The following GEMIN8 variants were observed in gnomAD, a reference collection of about 807,000 sequenced individuals.
GEMIN8 encodes gem nuclear organelle associated protein 8.
For missense variants in GEMIN8, 185 were observed against 205.9 expected (o/e 0.90, Z 0.62); for synonymous variants, 80 against 78.5 (o/e 1.02, Z -0.10).
chrX:14,009,992 C>T (rs764083627), intron 4 of GEMIN8, among the ~76,000 whole-genome samples: 1 of 112,108 alleles, frequency 8.9e-6, no homozygotes, highest in Non-Finnish European at 1.9e-5. Context: ...TCAACACTTG[C>T]TGAAGGAAGA....
the GEMIN8 span, among the ~76,000 whole-genome samples, chrX:13,998,450 G>A: frequency 9.1e-6 from 1 of 110,337 alleles, no homozygotes; most frequent in Non-Finnish European, 1.9e-5. Flanking sequence ...TTCACCCTTC[G>A]TGCTCTCTCT....
rs1603182294 is a variant in GEMIN8 at position 14,007,163 on chromosome X, C to T, written c.*1750G>A. Among the ~76,000 whole-genome samples, 1 of 112,360 alleles carries T rather than the reference C, an allele frequency of 8.9e-6. No homozygotes were observed. Among genetic ancestry groups the T allele is most frequent in the East Asian group, 2.8e-4 (1 of 3,589 alleles). ...GGCAACACCTACACACAAATTGTGA[C>T]TCCAGTAATAAAATGAGAGCTTAGA... On this transcript the variant is annotated 3_prime_UTR_variant, in exon 5 of 5. Transcript: ENST00000680255.
intron 4 of GEMIN8, among the ~76,000 whole-genome samples, chrX:14,017,411 A>G (rs1259723896): frequency 8.9e-6 from 1 of 112,474 alleles, no homozygotes; most frequent in Admixed American, 9.4e-5. Context: ...TTTCAGACAG[A>G]TGACAAGAAC....
intron 4 of GEMIN8, among the ~76,000 whole-genome samples, chrX:14,012,857 T>C (rs771984647): frequency 9.3e-6 from 1 of 107,442 alleles, no homozygotes; most frequent in Non-Finnish European, 1.9e-5. Flanking sequence ...AGAGGGGCTA[T>C]GGGGGGGGGC....
chrX:14,001,898 G>A (rs1020939622), downstream of GEMIN8, among the ~76,000 whole-genome samples: 99 of 106,636 alleles, frequency 9.3e-4, no homozygotes, highest in African/African-American at 3.0e-3. Context: ...CGAGGTGGGC[G>A]GATCACCTGA....
Position 14,021,533 on chromosome X carries a change from G to A in GEMIN8, c.-33-22C>T, listed in dbSNP as rs890104022. The A allele has an allele frequency of 3.6e-6, 4 of 1,107,381 alleles. No individual in the cohort carries two copies. In the African/African-American group the frequency reaches 5.5e-5, roughly 15 times the overall value. 91.3% of individuals were successfully genotyped at this position (1,107,381 alleles called of 1,213,427 possible). On this transcript the variant is annotated intron_variant, in intron 2 of 4. Coordinates refer to ENST00000680255, the MANE Select transcript of GEMIN8 (RefSeq NM_001042479.2). ...GAAACTAGGAAAGAAGAATCACAGT[G>A]CAAACGTCTGATCAGTATGGCTGTG...
chrX:14,018,913 T>C (rs1924121658), intron 4 of GEMIN8, among the ~76,000 whole-genome samples: 1 of 109,623 alleles, frequency 9.1e-6, no homozygotes, highest in Non-Finnish European at 1.9e-5. Context: ...CCACCACACC[T>C]GGCTGGATAT....
rs766820475 is a variant in GEMIN8 at position 14,008,990 on chromosome X, C to T, written c.652G>A (p.Ala218Thr). The T allele has an allele frequency of 1.9e-5, 23 of 1,209,135 alleles. No individual in the cohort carries two copies. In the East Asian group the frequency reaches 3.6e-4, roughly 19 times the overall value. ...TGCTTGTCAAAGCTCAGCTGCACCG[C>T]GGCCTCCATGGCTTGGATCTTGGCA... The part of the protein sequence containing the change: ...SAAKIQAMEA[A>T]VQLSFDKHCD... The change falls in exon 5 of 5, where the codon GCG (alanine) becomes ACG (threonine). Residue 218 changes from alanine (A) to threonine (T), a missense_variant. Coordinates refer to ENST00000680255, the MANE Select transcript of GEMIN8 (RefSeq NM_001042479.2).
At chrX:14,009,650 C>T (rs1923402272) in intron 4 of GEMIN8, among the ~76,000 whole-genome samples, 1 of 112,004 alleles carries the variant, frequency 8.9e-6, no homozygotes, top group South Asian at 3.7e-4. Flanking sequence ...AGAAATGAAC[C>T]CACCTGAGGT....
chrX:14,023,085 A>G (rs1924472156), intron 2 of GEMIN8, among the ~76,000 whole-genome samples: 1 of 112,595 alleles, frequency 8.9e-6, no homozygotes. Flanking sequence ...AATACTATGC[A>G]TACATGCAAC....
the GEMIN8 span, among the ~76,000 whole-genome samples, chrX:13,993,441 CTTTTT>C: frequency 1.1e-5 from 1 of 90,633 alleles, no homozygotes; most frequent in Non-Finnish European, 2.2e-5. Context: ...GTTGTGTATA[CTTTTT>C]TTTTTTTTTT....
chrX:14,021,668 C>A (rs1924326335), intron 2 of GEMIN8, among the ~76,000 whole-genome samples, 157 bp from the exon 3 acceptor site: 1 of 106,494 alleles, frequency 9.4e-6, no homozygotes, highest in Admixed American at 1.0e-4. Context: ...GGTTCCTGGG[C>A]TATAACTTTG....
chrX:14,008,890 GCTGGGTACC>G lies in GEMIN8; in HGVS notation c.*14_*22del. 1 of 1,196,675 alleles carries G rather than the reference GCTGGGTACC, an allele frequency of 8.4e-7. No homozygotes were observed. Among genetic ancestry groups the G allele is most frequent in the Non-Finnish European group, 1.1e-6 (1 of 883,577 alleles). On this transcript the variant is annotated 3_prime_UTR_variant, in exon 5 of 5. Coordinates refer to ENST00000680255, the MANE Select transcript of GEMIN8 (RefSeq NM_001042479.2). ...GTGTACCCAAAAGGAAGAAGGAGAGGCTGGGTACCCTGTGCCCTGAGCTCAGAACTTCAG... is the reference window on the plus strand; with the variant it reads ...GTGTACCCAAAAGGAAGAAGGAGAGGCTGTGCCCTGAGCTCAGAACTTCAG...
In GEMIN8 at chrX:14,021,459, C is replaced by G. The variant is rs1331320803; in HGVS notation, c.15+5G>C. ...AAAAAAAAAATAAAAAAATAAAAAT[C>G]TTACCTTTACCGCTGCCATCTCTGA... On this transcript the variant is annotated splice_donor_5th_base_variant and intron_variant, in intron 3 of 4. Transcript: ENST00000680255. 2 of 1,068,582 alleles carry G rather than the reference C, an allele frequency of 1.9e-6. No homozygotes were observed. Among genetic ancestry groups the G allele is most frequent in the Non-Finnish European group, 2.6e-6 (2 of 770,540 alleles). 88.1% of individuals were successfully genotyped at this position (1,068,582 alleles called of 1,213,427 possible).
Position 14,020,263 on chromosome X carries a change from G to C in GEMIN8, c.287C>G (p.Ser96Cys), listed in dbSNP as rs200576997. The C allele has an allele frequency of 9.9e-6, 12 of 1,209,639 alleles. No individual in the cohort carries two copies. The East Asian group carries it at 3.6e-4, about 36-fold the overall frequency. The change falls in exon 4 of 5, where the codon TCT (serine) becomes TGT (cysteine). Residue 96 changes from serine to cysteine, a missense_variant. Transcript: ENST00000680255. ...YPCSSSHFRR[S>C]GQHPRYSSRI... ...ACTGCTGTAACGTGGATGCTGCCCA[G>C]ATCTTCTGAAATGTGAAGAACTGCA...
intron 1 of GEMIN8, chrX:14,026,443 A>G (rs1423157529): frequency 2.8e-6 from 2 of 726,983 alleles, no homozygotes; most frequent in Non-Finnish European, 3.3e-6. Context: ...TAGGCAAGGC[A>G]GAGACTGAGT....
the GEMIN8 span, among the ~76,000 whole-genome samples, chrX:13,995,164 A>G: frequency 9.0e-6 from 1 of 111,653 alleles, no homozygotes; most frequent in Non-Finnish European, 1.9e-5. Flanking sequence ...CATTACCCCC[A>G]ATCTCCCAAG....
chrX:14,017,951 A>G (rs1924045664), intron 4 of GEMIN8, among the ~76,000 whole-genome samples: 1 of 112,224 alleles, frequency 8.9e-6, no homozygotes, highest in African/African-American at 3.2e-5. Context: ...CCGTAAAGTA[A>G]CTAGACAGAT....
At chrX:14,029,558 T>C (rs914862415) in intron 1 of GEMIN8, 26 of 112,801 alleles carry the variant, frequency 2.3e-4, no homozygotes, top group African/African-American at 7.1e-4. Flanking sequence ...ACTGCAGAGC[T>C]GAGAGCCTCT....
Sources: gnomAD v4.1 joint callset for allele counts (sites outside exome capture counted in the v4.1 genomes callset) on GRCh38, gnomAD v4.1.1 for gene constraint, MANE v1.5 for transcripts, NCBI Gene and HGNC (gene_info 2026-07-23, HGNC 2026-07-21) for gene names.